ZPBP: variants seen among roughly 807,000 people sequenced by gnomAD.
ZPBP encodes zona pellucida binding protein.
A neutral mutation model predicts 44.8 loss-of-function variants in ZPBP; 26 were observed. That is an observed-to-expected ratio of 0.58 (90% CI 0.43 to 0.81). ZPBP has a LOEUF of 0.81. Ranked by LOEUF, ZPBP falls within the 30% of genes least tolerant of loss-of-function variation. ZPBP has a pLI of 0.00. For synonymous variants in ZPBP, 174 were observed against 153.2 expected, an observed-to-expected ratio of 1.14 and a Z score of -1.00; for missense variants, 409 against 434.0, an observed-to-expected ratio of 0.94 and a Z score of 0.51.
At chr7:50,061,330 G>T (rs770029002) in intron 3 of ZPBP, among the ~76,000 whole-genome samples, 9 of 152,240 alleles carry the variant, frequency 5.9e-5, no homozygotes, top group Non-Finnish European at 1.3e-4. Context: ...GCAAGAGAAA[G>T]AAATAAAAGT....
At chr7:50,088,141 G>T (rs1316379537) in intron 2 of ZPBP, among the ~76,000 whole-genome samples, 2 of 152,018 alleles carry the variant, frequency 1.3e-5, no homozygotes, top group African/African-American at 4.8e-5. Flanking sequence ...GGGGCCAACT[G>T]CTTTTCAATA....
intron 6 of ZPBP, among the ~76,000 whole-genome samples, chr7:50,009,640 C>T (rs1322626318): frequency 2.6e-5 from 4 of 151,940 alleles, no homozygotes; most frequent in East Asian, 1.9e-4. Context: ...AAACATCTCA[C>T]GAGTGAGACT....
chr7:49,968,441 C>G (rs1029470210), intron 7 of ZPBP, among the ~76,000 whole-genome samples: 1 of 151,610 alleles, frequency 6.6e-6, no homozygotes, highest in Non-Finnish European at 1.5e-5. Context: ...ATATAGCAAC[C>G]TAGGAGAGCA....
chr7:49,983,270 A>G, intron 7 of ZPBP, 72 bp downstream of exon 7: 1 of 1,330,542 alleles, frequency 7.5e-7, no homozygotes. Context: ...AGTGATATGC[A>G]TTCACTTAGG....
intron 5 of ZPBP, among the ~76,000 whole-genome samples, chr7:50,030,040 G>C (rs1799530787): frequency 6.6e-6 from 1 of 152,072 alleles, no homozygotes; most frequent in African/African-American, 2.4e-5. Context: ...ATTTTTAGTA[G>C]AGGCAGGTTT....
At position 49,955,576 on chromosome 7, in the gene ZPBP, G is replaced by A. The variant is rs181338407; in HGVS notation, c.962-17954C>T. On this transcript the variant is annotated intron_variant, in intron 7 of 7. Coordinates refer to ENST00000046087, the MANE Select transcript of ZPBP (RefSeq NM_007009.3). ...TGTCTCAAAAAAAAAACTAAAGAAAGAAGAGCACATTAATTTTCAGATAAG... is the reference window on the plus strand; with the variant it reads ...TGTCTCAAAAAAAAAACTAAAGAAAAAAGAGCACATTAATTTTCAGATAAG... 2.4e-3 allele frequency among the ~76,000 whole-genome samples: 371 copies of A among 151,900 alleles called. 1 individual carries two copies. The highest frequency in any genetic ancestry group is 8.5e-3 in the African/African-American group (354 of 41,488).
At chr7:49,989,191 T>C (rs1203079742) in intron 6 of ZPBP, among the ~76,000 whole-genome samples, 1 of 152,186 alleles carries the variant, frequency 6.6e-6, no homozygotes, top group South Asian at 2.1e-4. Context: ...CTTTAAGGAA[T>C]CAAGCTCGAC....
At chr7:50,009,474 C>G (rs1798473336) in intron 6 of ZPBP, among the ~76,000 whole-genome samples, 1 of 151,910 alleles carries the variant, frequency 6.6e-6, no homozygotes, top group Non-Finnish European at 1.5e-5. Context: ...AGGCTCCCCA[C>G]TTGCTTGGTT....
rs532238801 is a variant in ZPBP at position 50,093,214 on chromosome 7, G to T, written c.-20C>A. 33 of 1,507,140 alleles carry T rather than the reference G, an allele frequency of 2.2e-5. No homozygotes were observed. In the South Asian group the frequency reaches 3.8e-4, roughly 17 times the overall value. 93.4% of individuals were successfully genotyped at this position (1,507,140 alleles called of 1,614,324 possible). ...CTCCATCCACACGCCGCCGTCGCCT[G>T]CCCACCGTCCGCGCGGAAGGTCGTT... On this transcript the variant is annotated 5_prime_UTR_variant, in exon 1 of 8. Coordinates refer to ENST00000046087, the MANE Select transcript of ZPBP (RefSeq NM_007009.3).
At chr7:49,981,042 A>G (rs947087919) in intron 7 of ZPBP, among the ~76,000 whole-genome samples, 2 of 150,290 alleles carry the variant, frequency 1.3e-5, no homozygotes, top group Non-Finnish European at 3.0e-5. Flanking sequence ...AAAATATAGT[A>G]CAAAGTTATA....
chr7:49,962,161 GCC>G (rs1350640945), intron 7 of ZPBP, among the ~76,000 whole-genome samples: 1 of 151,848 alleles, frequency 6.6e-6, no homozygotes, highest in Non-Finnish European at 1.5e-5. Flanking sequence ...AAACAGCAGT[GCC>G]CTAATACTAA....
chr7:49,894,305 A>T (rs1583774092), intron 2 of ZPBP, among the ~76,000 whole-genome samples: 1 of 152,100 alleles, frequency 6.6e-6, no homozygotes, highest in South Asian at 2.1e-4. Flanking sequence ...TATAGATAGC[A>T]CCGCCATGCC....
At chr7:49,904,649 A>T (rs1477205496) in intron 1 of ZPBP, among the ~76,000 whole-genome samples, 1 of 152,154 alleles carries the variant, frequency 6.6e-6, no homozygotes. Context: ...TTTTTATTCA[A>T]AAAGAACTTA....
At chr7:49,850,677 A>G (rs1790141178) in intron 2 of ZPBP, among the ~76,000 whole-genome samples, 1 of 152,228 alleles carries the variant, frequency 6.6e-6, no homozygotes, top group Admixed American at 6.5e-5. Context: ...CATCTTCTGG[A>G]AAAAAGCCAG....
downstream of ZPBP, among the ~76,000 whole-genome samples, chr7:49,935,229 T>C (rs1035429366): frequency 4.6e-5 from 7 of 152,196 alleles, no homozygotes; most frequent in Non-Finnish European, 7.3e-5. Flanking sequence ...GCCATGAAGC[T>C]AGGAGTATCC....
chr7:49,859,822 ACACT>A (rs1449450373), intron 2 of ZPBP, among the ~76,000 whole-genome samples: 14 of 140,426 alleles, frequency 1.0e-4, no homozygotes, highest in Non-Finnish European at 1.4e-4. Flanking sequence ...ACACACACAC[ACACT>A]CACTCTGCTG....
chr7:49,987,405 G>C (rs553458050), intron 6 of ZPBP, among the ~76,000 whole-genome samples: 19 of 152,028 alleles, frequency 1.2e-4, no homozygotes, highest in Non-Finnish European at 2.2e-4. Flanking sequence ...GTGCATGAGA[G>C]GCCCCAAGAT....
chr7:50,082,708 T>C (rs1327803189), intron 2 of ZPBP, among the ~76,000 whole-genome samples: 2 of 151,866 alleles, frequency 1.3e-5, no homozygotes, highest in Admixed American at 1.3e-4. Flanking sequence ...AATGTACTTT[T>C]AGGTACATAC....
At chr7:49,848,544 T>C (rs1486897475), downstream of ZPBP, among the ~76,000 whole-genome samples, 1 of 152,248 alleles carries the variant, frequency 6.6e-6, no homozygotes, top group African/African-American at 2.4e-5. Context: ...AGCTGTGGTC[T>C]GCTCTCTCGT....
Sources: gnomAD v4.1 joint callset for allele counts (sites outside exome capture counted in the v4.1 genomes callset) on GRCh38, gnomAD v4.1.1 for gene constraint, MANE v1.5 for transcripts, NCBI Gene and HGNC (gene_info 2026-07-23, HGNC 2026-07-21) for gene names.